ETS1: variants seen among roughly 807,000 people sequenced by gnomAD.
ETS1 encodes protein C-ets-1.
A neutral mutation model predicts 58.6 loss-of-function variants in ETS1; 15 were observed. That is an observed-to-expected ratio of 0.26 (90% CI 0.17 to 0.39). ETS1 has a LOEUF of 0.39. Among genes scored for constraint, ETS1 ranks in the 10% least tolerant of loss-of-function variants. ETS1 has a pLI of 1.00. For missense variants in ETS1, 417 were observed against 610.5 expected (o/e 0.68, Z 3.34); for synonymous variants, 214 against 218.2 (o/e 0.98, Z 0.17).
intron 3 of ETS1, chr11:128,527,151 T>G (rs561835261): frequency 2.9e-6 from 1 of 346,904 alleles, no homozygotes; most frequent in African/African-American, 2.2e-5. Flanking sequence ...TGTATTGTCT[T>G]TGGGCAAATA....
At chr11:128,585,195 A>AAAGC (rs1295874140) in intron 1 of ETS1, among the ~76,000 whole-genome samples, 1 of 88,702 alleles carries the variant, frequency 1.1e-5, no homozygotes, top group Non-Finnish European at 2.4e-5. Flanking sequence ...AGAAGGAAGG[A>AAAGC]AAGAAAGAAA....
chr11:128,556,302 T>A lies in ETS1; in HGVS notation c.203A>T (p.His68Leu). ...GTTTATGTTCCTACCTGAGACACAG[T>A]GTTCAAGACCAGTAGGAACTTCCTG... is the stretch of plus-strand genomic sequence containing the variant. Reference protein sequence around the residue: ...ATQEVPTGLEHCVSDMECADV... With the variant: ...ATQEVPTGLELCVSDMECADV... Residue 68 changes from histidine to leucine, a missense_variant, in exon 3 of 10, where the codon CAC becomes CTC. By Grantham distance (99) the His-to-Leu change is moderately conservative. Transcript: ENST00000392668. 2 of 1,610,042 alleles carry A rather than the reference T, an allele frequency of 1.2e-6. No homozygotes were observed. The highest frequency in any genetic ancestry group is 1.7e-6 in the Non-Finnish European group (2 of 1,178,556).
chr11:128,459,145 A>C lies in ETS1; in HGVS notation c.*3216T>G, dbSNP rs1269651405. ...GCTTAAAAAAAAAGTATTCTTAAAA[A>C]AAAAAGTTCAATAACTGAGGCAGTA... is the stretch of plus-strand genomic sequence containing the variant. On this transcript the variant is annotated 3_prime_UTR_variant, in exon 10 of 10. Transcript: ENST00000392668. 1 of 151,178 alleles carries C rather than the reference A, an allele frequency of 6.6e-6. No homozygotes were observed. The highest frequency in any genetic ancestry group is 1.5e-5 in the Non-Finnish European group (1 of 67,772). The allele number at this position is 151,178 out of a possible 1,614,324, so 9.4% of individuals were successfully genotyped here.
intron 3 of ETS1, among the ~76,000 whole-genome samples, chr11:128,518,600 G>A (rs1209614522): frequency 6.6e-6 from 1 of 152,200 alleles, no homozygotes; most frequent in East Asian, 1.9e-4. Context: ...TTCAAATCCA[G>A]ACAGGCTGGC....
At position 128,464,326 on chromosome 11, in the gene ETS1, T is replaced by C. The variant is rs182764386; in HGVS notation, c.1124-699A>G. Among the ~76,000 whole-genome samples the C allele has an allele frequency of 1.6e-3, 236 of 149,748 alleles. 1 individual carries two copies. Among genetic ancestry groups the C allele is most frequent in the African/African-American group, 5.5e-3 (221 of 40,518 alleles). On this transcript the variant is annotated intron_variant, in intron 8 of 9. Transcript: ENST00000392668. This position sits in a 1 kb window ranked among gnomAD's most constrained non-coding sequence, Gnocchi z 4.1. ...GGGTCAGATGAGGACTGTCAGAAATTCTGCATAGGTTCAGTATATTCTAAA... is the reference window on the plus strand; with the variant it reads ...GGGTCAGATGAGGACTGTCAGAAATCCTGCATAGGTTCAGTATATTCTAAA...
At chr11:128,505,487 C>T (rs778565285) in intron 3 of ETS1, 13 of 152,162 alleles carry the variant, frequency 8.5e-5, no homozygotes, top group Non-Finnish European at 1.6e-4. Context: ...AGATTTTTTT[C>T]TTCTCCTTCC....
At position 128,490,396 on chromosome 11, in the gene ETS1, A is replaced by G; in HGVS notation, c.334+61T>C. 3.8e-6 allele frequency: 6 copies of G among 1,590,532 alleles called. No homozygotes were observed. The South Asian group carries it at 5.6e-5, about 15-fold the overall frequency. On this transcript the variant is annotated intron_variant, in intron 4 of 9. Transcript: ENST00000392668. ...GTCTGCCTCACACACTCCAGGTGAG[A>G]AAATGTGTCTTCCCAAAGGGTCTGA...
At chr11:128,500,073 G>C (rs1591620788) in intron 3 of ETS1, among the ~76,000 whole-genome samples, 1 of 152,208 alleles carries the variant, frequency 6.6e-6, no homozygotes, top group East Asian at 1.9e-4. Flanking sequence ...GGGAAGGGCA[G>C]AAGGAAGAAA....
In ETS1 at chr11:128,463,436, C is replaced by T; in HGVS notation, c.1242+73G>A. ...CCAATCCTGGAACACGTCATTCAGG[C>T]CCACGCCACCCCTTCCAGGAGTTTT... On this transcript the variant is annotated intron_variant, in intron 9 of 9. Transcript: ENST00000392668. This position sits in a 1 kb window ranked among gnomAD's most constrained non-coding sequence, Gnocchi z 4.1. 2 of 881,510 alleles carry T rather than the reference C, an allele frequency of 2.3e-6. No individual in the cohort carries two copies. The highest frequency in any genetic ancestry group is 3.3e-5 in the African/African-American group (2 of 60,998). The allele number at this position is 881,510 out of a possible 1,614,324, so 54.6% of individuals were successfully genotyped here. A position where few individuals can be genotyped will look rare whatever the true frequency, so the allele number is the denominator to read the frequency against.
intron 3 of ETS1, among the ~76,000 whole-genome samples, chr11:128,548,330 G>GT (rs557051301): frequency 0.016 from 2,327 of 144,708 alleles, 38 homozygotes; most frequent in African/African-American, 0.048. Context: ...CATTCAATAC[G>GT]TTTTTTTTTT....
At chr11:128,483,302 A>G (rs116042224) in intron 7 of ETS1, among the ~76,000 whole-genome samples, 2,047 of 152,266 alleles carry the variant, frequency 0.013, 41 homozygotes, top group African/African-American at 0.046. Flanking sequence ...GAAAGAGACA[A>G]TTACACAAAT....
chr11:128,549,928 G>C lies in ETS1; in HGVS notation c.214+6363C>G, dbSNP rs973097289. ...ATAAGAGTGGGCAGGACTCAGATGT[G>C]AGTGGGCATCTGGTTTCTTCGATTC... On this transcript the variant is annotated intron_variant, in intron 3 of 9. Transcript: ENST00000392668. The surrounding 1 kb of genome is among the most constrained non-coding windows in gnomAD (Gnocchi z 4.3). Among the ~76,000 whole-genome samples, 2 of 152,218 alleles carry C rather than the reference G, an allele frequency of 1.3e-5. No individual in the cohort carries two copies. The highest frequency in any genetic ancestry group is 4.8e-5 in the African/African-American group (2 of 41,446).
chr11:128,522,800 G>T (rs1413807882), intron 3 of ETS1, among the ~76,000 whole-genome samples: 2 of 152,240 alleles, frequency 1.3e-5, no homozygotes, highest in Non-Finnish European at 1.5e-5. Context: ...TGAGGCATGT[G>T]GATGAAGGCG....
intron 8 of ETS1, among the ~76,000 whole-genome samples, chr11:128,469,069 C>A (rs1351998790): frequency 1.3e-5 from 2 of 152,216 alleles, no homozygotes; most frequent in Admixed American, 1.3e-4. Context: ...CTCTATTAAA[C>A]AATATTTGGG....
At chr11:128,506,519 C>A (rs1290180080) in intron 3 of ETS1, among the ~76,000 whole-genome samples, 1 of 152,052 alleles carries the variant, frequency 6.6e-6, no homozygotes, top group Non-Finnish European at 1.5e-5. Flanking sequence ...AGTGAACTAG[C>A]GGGGTCCAGA....
chr11:128,466,100 G>T (rs1334637677), intron 8 of ETS1, among the ~76,000 whole-genome samples: 1 of 152,200 alleles, frequency 6.6e-6, no homozygotes, highest in Non-Finnish European at 1.5e-5. Flanking sequence ...GCAGGACACG[G>T]GATAGCCAGT....
At chr11:128,543,804 ATT>A (rs780723631) in intron 3 of ETS1, among the ~76,000 whole-genome samples, 1 of 152,250 alleles carries the variant, frequency 6.6e-6, no homozygotes, top group Non-Finnish European at 1.5e-5. Flanking sequence ...CCTGAAAGAT[ATT>A]TGAGAGGAGA....
At chr11:128,541,123 T>A (rs1864051586) in intron 3 of ETS1, among the ~76,000 whole-genome samples, 1 of 152,128 alleles carries the variant, frequency 6.6e-6, no homozygotes, top group Non-Finnish European at 1.5e-5. Flanking sequence ...AACAGGACCA[T>A]CCCTCTCATC....
intron 3 of ETS1, among the ~76,000 whole-genome samples, chr11:128,537,562 A>C (rs1863990092): frequency 1.3e-5 from 2 of 152,214 alleles, no homozygotes; most frequent in South Asian, 4.1e-4. Flanking sequence ...CTAAGGAGCA[A>C]GGGAAACTGA....
Sources: allele counts gnomAD v4.1 joint callset (sites outside exome capture counted in the v4.1 genomes callset), GRCh38; gene constraint gnomAD v4.1.1; non-coding constraint Gnocchi (gnomAD v3.1); transcripts MANE v1.5; gene names NCBI Gene and HGNC (gene_info 2026-07-23, HGNC 2026-07-21).